SLC25A48: variants seen among roughly 807,000 people sequenced by gnomAD.
The protein encoded by SLC25A48 is CTC-321K16.1.
SLC25A48 carries 29 observed loss-of-function variants against 32.2 expected under a neutral mutation model. The observed-to-expected ratio is 0.90, with a 90% CI of 0.67 to 1.23. SLC25A48 has a LOEUF of 1.23. SLC25A48 is among the 50% of genes most tolerant of loss of function. The pLI, the probability that SLC25A48 is intolerant of heterozygous loss-of-function variation, is 0.00. For missense variants in SLC25A48, 399 were observed against 422.7 expected (o/e 0.94, Z 0.49); for synonymous variants, 164 against 172.3 (o/e 0.95, Z 0.38).
intron 6 of SLC25A48, among the ~76,000 whole-genome samples, chr5:135,876,752 A>G (rs1762092668): frequency 1.3e-5 from 2 of 152,352 alleles, no homozygotes; most frequent in South Asian, 4.1e-4. Context: ...ATGAACATAA[A>G]TAGTAACATA....
At chr5:135,623,078 G>A (rs17735180) in intron 1 of SLC25A48, among the ~76,000 whole-genome samples, 2,683 of 152,268 alleles carry the variant, frequency 0.018, 36 homozygotes, top group Admixed American at 0.026. Flanking sequence ...GTATGCTAAG[G>A]CACCTCTCCA....
At chr5:135,692,086 G>C (rs1302917374) in intron 3 of SLC25A48, among the ~76,000 whole-genome samples, 1 of 152,202 alleles carries the variant, frequency 6.6e-6, no homozygotes, top group South Asian at 2.1e-4. Context: ...GGGAGGCCGA[G>C]GCAGGCGGAT....
intron 1 of SLC25A48, among the ~76,000 whole-genome samples, chr5:135,604,761 G>A (rs997918226): frequency 1.3e-5 from 2 of 152,160 alleles, no homozygotes; most frequent in Non-Finnish European, 2.9e-5. Flanking sequence ...AGAATATTAC[G>A]GAGTCATAAA....
chr5:135,669,371 A>G (rs777205394), intron 3 of SLC25A48, among the ~76,000 whole-genome samples: 8 of 152,026 alleles, frequency 5.3e-5, no homozygotes, highest in Non-Finnish European at 1.0e-4. Flanking sequence ...TGAGAGAAGG[A>G]TTTGTGTGCA....
At chr5:135,862,333 G>A (rs79842115) in intron 4 of SLC25A48, among the ~76,000 whole-genome samples, 2,119 of 152,340 alleles carry the variant, frequency 0.014, 38 homozygotes, top group African/African-American at 0.045. Context: ...CCACATAACA[G>A]GAGGTTGGAG....
At chr5:135,739,994 G>A (rs1405428875) in intron 3 of SLC25A48, among the ~76,000 whole-genome samples, 1 of 152,118 alleles carries the variant, frequency 6.6e-6, no homozygotes, top group East Asian at 1.9e-4. Context: ...CATCCCCAGT[G>A]AGCTGTTTAA....
intron 3 of SLC25A48, among the ~76,000 whole-genome samples, chr5:135,770,611 C>T (rs935406071): frequency 4.6e-5 from 7 of 151,370 alleles, no homozygotes; most frequent in Non-Finnish European, 1.5e-5. Flanking sequence ...CCTAATATGC[C>T]AGTGGGAGAG....
intron 1 of SLC25A48, among the ~76,000 whole-genome samples, chr5:135,627,321 A>G (rs1056148125): frequency 1.3e-5 from 2 of 152,208 alleles, no homozygotes; most frequent in African/African-American, 2.4e-5. Context: ...GGCAGTGTCT[A>G]GGACAATGGC....
rs184926371 is a variant in SLC25A48 at position 135,756,049 on chromosome 5, A to C, written c.-520-56474A>C. The stretch of plus-strand genomic sequence containing the variant: ...ATCATATAATATCTAGTGTCAATAC[A>C]TTATGGTATTAATGAAATGTCGCTG... On this transcript the variant is annotated intron_variant, in intron 3 of 10. Transcript: ENST00000646290. 2.2e-3 allele frequency among the ~76,000 whole-genome samples: 334 copies of C among 152,132 alleles called. 1 individual carries two copies. Among genetic ancestry groups the C allele is most frequent in the Non-Finnish European group, 4.3e-3 (290 of 67,974 alleles).
intron 3 of SLC25A48, among the ~76,000 whole-genome samples, chr5:135,656,106 G>T (rs191168589): frequency 9.8e-4 from 150 of 152,292 alleles, no homozygotes; most frequent in African/African-American, 3.5e-3. Context: ...CTATAAATTT[G>T]CAGTCATCAC....
At chr5:135,628,323 C>T (rs1021092796) in intron 1 of SLC25A48, among the ~76,000 whole-genome samples, 3 of 152,134 alleles carry the variant, frequency 2.0e-5, no homozygotes, top group African/African-American at 7.2e-5. Context: ...AATTTACACC[C>T]CGAGGAACCT....
At chr5:135,844,756 T>C (rs1438035966) in intron 2 of SLC25A48, among the ~76,000 whole-genome samples, 1 of 152,180 alleles carries the variant, frequency 6.6e-6, no homozygotes, top group East Asian at 1.9e-4. Context: ...TTGGAGAATG[T>C]GTTTCAATTC....
At chr5:135,665,643 T>C (rs560102871) in intron 3 of SLC25A48, among the ~76,000 whole-genome samples, 10 of 152,262 alleles carry the variant, frequency 6.6e-5, no homozygotes, top group African/African-American at 1.9e-4. Context: ...TACATGTGGC[T>C]AGCAAGTTTT....
At chr5:135,711,092 C>T (rs1255806498) in intron 3 of SLC25A48, among the ~76,000 whole-genome samples, 1 of 152,166 alleles carries the variant, frequency 6.6e-6, no homozygotes, top group Non-Finnish European at 1.5e-5. Context: ...GAGGGAAATG[C>T]CCAAGTTCCC....
chr5:135,652,564 C>T, intron 3 of SLC25A48: 1 of 387,740 alleles, frequency 2.6e-6, no homozygotes, highest in Admixed American at 3.1e-5. Context: ...ATGAAAGGTG[C>T]AGTCACTTAC....
intron 5 of SLC25A48, 161 bp downstream of exon 5, chr5:135,871,879 C>T: frequency 6.6e-7 from 1 of 1,505,868 alleles, no homozygotes; most frequent in South Asian, 1.4e-5. Context: ...CCGGCCCTCT[C>T]CCACCTCAGT....
chr5:135,783,241 G>A (rs1281101295), intron 3 of SLC25A48, among the ~76,000 whole-genome samples: 2,922 of 92,878 alleles, frequency 0.031, 38 homozygotes, highest in Middle Eastern at 0.045. Context: ...AATATCGCAT[G>A]AGGCATACAT....
At chr5:135,727,147 A>T (rs950993747) in intron 3 of SLC25A48, among the ~76,000 whole-genome samples, 1 of 149,360 alleles carries the variant, frequency 6.7e-6, no homozygotes, top group African/African-American at 2.5e-5. Flanking sequence ...TTTAAATTGA[A>T]TTTTTTTTTA....
chr5:135,785,875 G>T (rs931079533), intron 3 of SLC25A48, among the ~76,000 whole-genome samples: 3 of 150,994 alleles, frequency 2.0e-5, no homozygotes, highest in Non-Finnish European at 4.4e-5. Flanking sequence ...AGGTGGGGAG[G>T]TGGTGACATT....
Sources: gnomAD v4.1 joint callset for allele counts (sites outside exome capture counted in the v4.1 genomes callset) on GRCh38, gnomAD v4.1.1 for gene constraint, MANE v1.5 for transcripts, NCBI Gene and HGNC (gene_info 2026-07-23, HGNC 2026-07-21) for gene names.